Variants in CACNA1G observed in about 807,000 individuals in gnomAD.
CACNA1G encodes the protein voltage-dependent T-type calcium channel subunit alpha-1G.
Under a neutral mutation model 219.4 loss-of-function variants are expected in CACNA1G, and 67 were observed. The observed-to-expected ratio is 0.31, with a 90% CI of 0.25 to 0.37. The LOEUF is 0.37. CACNA1G is among the 10% of genes least tolerant of loss of function. CACNA1G has a pLI of 1.00. For missense variants in CACNA1G, 2,380 were observed against 3,231.4 expected (o/e 0.74, Z 6.39); for synonymous variants, 1,296 against 1,345.3 (o/e 0.96, Z 0.80).
chr17:50,584,380 C>T (rs965774055), intron 9 of CACNA1G, among the ~76,000 whole-genome samples: 3 of 151,772 alleles, frequency 2.0e-5, no homozygotes, highest in African/African-American at 4.8e-5. Flanking sequence ...TGCTCAGGGT[C>T]GGGGAAGCCA....
In CACNA1G at chr17:50,578,344, A is replaced by G. The variant is rs2041172504; in HGVS notation, c.2081A>G (p.Tyr694Cys). 1 of 1,613,272 alleles carries G rather than the reference A, an allele frequency of 6.2e-7. No individual in the cohort carries two copies. The highest frequency in any genetic ancestry group is 8.5e-7 in the Non-Finnish European group (1 of 1,179,844). ...CCTGACTCAGACAGCGAGGCAGTTT[A>G]TGAGTTCACACAGGATGCCCAGCAC... ...EMPDSDSEAV[Y>C]EFTQDAQHSD... Residue 694 changes from tyrosine (Y) to cysteine (C), a missense_variant, in exon 9 of 38, where the codon TAT (tyrosine) becomes TGT (cysteine). By Grantham distance (194) the Tyr-to-Cys change is radical. Transcript: ENST00000359106. This position sits in a 1 kb window ranked among gnomAD's most constrained non-coding sequence, Gnocchi z 4.5.
intron 9 of CACNA1G, among the ~76,000 whole-genome samples, chr17:50,588,382 T>C (rs1548533): frequency 0.45 from 67,536 of 150,354 alleles, 16,123 homozygotes; most frequent in East Asian, 0.89. Context: ...GCGGTCCATG[T>C]TCATTTTAAT....
At position 50,617,826 on chromosome 17, in the gene CACNA1G, G is replaced by A. The variant is rs1381270821; in HGVS notation, c.5156-33G>A. The A allele has an allele frequency of 1.2e-6, 2 of 1,609,892 alleles. No homozygotes were observed. Among genetic ancestry groups the A allele is most frequent in the South Asian group, 1.1e-5 (1 of 90,990 alleles). ...CCAGCTGTCTGGCCGGGGACCCAAA[G>A]AGGCCAGCTCATGACGTTGTCCTGT... On this transcript the variant is annotated intron_variant, in intron 29 of 37. Coordinates refer to ENST00000359106, the MANE Select transcript of CACNA1G (RefSeq NM_018896.5). The surrounding 1 kb of genome is among the most constrained non-coding windows in gnomAD (Gnocchi z 5.8).
chr17:50,595,974 G>A (rs967704484), intron 14 of CACNA1G, among the ~76,000 whole-genome samples: 9 of 152,232 alleles, frequency 5.9e-5, no homozygotes, highest in African/African-American at 2.2e-4. Flanking sequence ...AGAAAAAACT[G>A]TCCCAGAGAC....
chr17:50,608,162 T>A (rs924531469), intron 25 of CACNA1G, 143 bp downstream of exon 25: 3 of 701,468 alleles, frequency 4.3e-6, no homozygotes, highest in Non-Finnish European at 7.2e-6. Flanking sequence ...CACCTCCTTC[T>A]CCCCAAGAGC....
chr17:50,614,136 C>T (rs1239862720), intron 26 of CACNA1G, among the ~76,000 whole-genome samples: 3 of 152,102 alleles, frequency 2.0e-5, no homozygotes, highest in African/African-American at 7.2e-5. Context: ...CCTTCAGCCT[C>T]GGGTGGGGGC....
Position 50,576,115 on chromosome 17 carries a change from C to G in CACNA1G, c.1713C>G (p.Pro571=). 6 of 1,600,060 alleles carry G rather than the reference C, an allele frequency of 3.7e-6. No individual in the cohort carries two copies. The highest frequency in any genetic ancestry group is 4.3e-6 in the Non-Finnish European group (5 of 1,174,302). The change falls in exon 8 of 38, where the codon CCC becomes CCG. Residue 571 remains proline, a synonymous_variant. Coordinates refer to ENST00000359106, the MANE Select transcript of CACNA1G (RefSeq NM_018896.5). ...TAGAGCCAGTCCGCTGCCAGGCGCC[C>G]CCTCCCAGGTCCCCATCTGAGGCAT... is the stretch of plus-strand genomic sequence containing the variant. ...CHLEPVRCQA[P]PPRSPSEASG...
chr17:50,579,802 C>T (rs1281387100), intron 9 of CACNA1G, among the ~76,000 whole-genome samples: 1 of 152,070 alleles, frequency 6.6e-6, no homozygotes, highest in Non-Finnish European at 1.5e-5. Flanking sequence ...AGCACAGCAC[C>T]CTGTGAAAGG....
chr17:50,594,900 C>G, intron 13 of CACNA1G, 93 bp from the exon 14 acceptor site: 1 of 942,280 alleles, frequency 1.1e-6, no homozygotes, highest in East Asian at 2.7e-5. Context: ...TTGCGCCCCT[C>G]CTTTTCTTCA....
Position 50,578,540 on chromosome 17 carries a change from C to T in CACNA1G, c.2277C>T (p.Ser759=). 6.4e-7 allele frequency: 1 copy of T among 1,564,356 alleles called. No homozygotes were observed. Among genetic ancestry groups the T allele is most frequent in the South Asian group, 1.2e-5 (1 of 83,092 alleles). Residue 759 remains serine (S), a synonymous_variant, in exon 9 of 38, where the codon AGC becomes AGT. Coordinates refer to ENST00000359106, the MANE Select transcript of CACNA1G (RefSeq NM_018896.5). The surrounding 1 kb of genome is among the most constrained non-coding windows in gnomAD (Gnocchi z 4.5). ...IMIAILVNTL[S]MGIEYHEQPE... ...TCGCCATCCTGGTCAACACACTCAG[C>T]ATGGGCATCGAATACCACGAGCAGG...
rs147088434 is a variant in CACNA1G at position 50,568,189 on chromosome 17, C to T, written c.243-681C>T. ...GTCTGCCTTACACCTAGTGCCAGGG[C>T]GGTCATGACAGGCAGTTCTGCCTGC... On this transcript the variant is annotated intron_variant, in intron 1 of 37. Transcript: ENST00000359106. Among the ~76,000 whole-genome samples the T allele has an allele frequency of 3.8e-4, 58 of 152,174 alleles. No homozygotes were observed. The East Asian group carries it at 0.011, about 29-fold the overall frequency.
Position 50,596,666 on chromosome 17 carries a change from T to C in CACNA1G, c.3064+20T>C. 1 of 1,613,526 alleles carries C rather than the reference T, an allele frequency of 6.2e-7. No individual in the cohort carries two copies. Among genetic ancestry groups the C allele is most frequent in the South Asian group, 1.1e-5 (1 of 91,064 alleles). The stretch of plus-strand genomic sequence containing the variant: ...TGGCCTGTGAGTACCTATCCTGGGG[T>C]GCGACTTTTGGCCCTGGGCCAGCCC... On this transcript the variant is annotated intron_variant, in intron 15 of 37. Coordinates refer to ENST00000359106, the MANE Select transcript of CACNA1G (RefSeq NM_018896.5). This position sits in a 1 kb window ranked among gnomAD's most constrained non-coding sequence, Gnocchi z 4.8.
At chr17:50,597,117 G>A (rs1054857143) in intron 16 of CACNA1G, among the ~76,000 whole-genome samples, 194 bp downstream of exon 16, 2 of 152,140 alleles carry the variant, frequency 1.3e-5, no homozygotes, top group African/African-American at 2.4e-5. Flanking sequence ...TAGCCTGGGG[G>A]CTGAAAACAG....
intron 14 of CACNA1G, among the ~76,000 whole-genome samples, chr17:50,595,422 G>A (rs1268693330): frequency 1.3e-5 from 2 of 152,202 alleles, no homozygotes; most frequent in African/African-American, 2.4e-5. Flanking sequence ...CCAGACGTCC[G>A]GCTTCAGTGG....
At chr17:50,579,376 G>A (rs2145032524) in intron 9 of CACNA1G, among the ~76,000 whole-genome samples, 1 of 152,236 alleles carries the variant, frequency 6.6e-6, no homozygotes, top group Non-Finnish European at 1.5e-5. Flanking sequence ...GAGCTATGCA[G>A]AGATAGAAAG....
intron 9 of CACNA1G, among the ~76,000 whole-genome samples, chr17:50,588,083 C>A (rs1215500023): frequency 6.6e-6 from 1 of 152,142 alleles, no homozygotes; most frequent in Non-Finnish European, 1.5e-5. Flanking sequence ...TTTTTAGCAG[C>A]TTTTTGGGGG....
At chr17:50,619,904 C>G (rs1406033421) in intron 34 of CACNA1G, 78 bp downstream of exon 34, 25 of 1,408,226 alleles carry the variant, frequency 1.8e-5, no homozygotes, top group Non-Finnish European at 2.3e-5. Context: ...TCTGGGGAAG[C>G]TGGGAGTGTT....
intron 28 of CACNA1G, among the ~76,000 whole-genome samples, chr17:50,616,950 T>C (rs1015565912): frequency 6.6e-6 from 1 of 152,106 alleles, no homozygotes. Flanking sequence ...AAGCTGTCCT[T>C]TCACCTCAGT....
intron 4 of CACNA1G, among the ~76,000 whole-genome samples, chr17:50,570,771 C>T (rs1350589357): frequency 6.6e-6 from 1 of 151,996 alleles, no homozygotes; most frequent in Non-Finnish European, 1.5e-5. Context: ...TAATGCAAAC[C>T]CTGAGGAATT....
Sources: gnomAD v4.1 joint callset for allele counts (sites outside exome capture counted in the v4.1 genomes callset) on GRCh38, gnomAD v4.1.1 for gene constraint, Gnocchi (gnomAD v3.1) non-coding constraint, MANE v1.5 for transcripts, NCBI Gene and HGNC (gene_info 2026-07-23, HGNC 2026-07-21) for gene names.